The following LAMB2 variants were observed in gnomAD, a reference collection of about 807,000 sequenced individuals.
LAMB2 encodes laminin subunit beta 2, also known as laminin subunit beta-2.
LAMB2 carries 119 observed loss-of-function variants against 202.7 expected under a neutral mutation model. The ratio of observed to expected loss-of-function variants is 0.59; its 90% CI spans 0.51 to 0.68. The LOEUF is 0.68. Among genes scored for constraint, LAMB2 ranks in the 30% least tolerant of loss-of-function variants. The pLI, the probability that LAMB2 is intolerant of heterozygous loss-of-function variation, is 0.00. For synonymous variants in LAMB2, 818 were observed against 902.2 expected (o/e 0.91, Z 1.67); for missense variants, 2,124 against 2,410.6 (o/e 0.88, Z 2.49).
At position 49,123,353 on chromosome 3, in the gene LAMB2, G is replaced by A. The variant is rs1451698452; in HGVS notation, c.4003C>T (p.His1335Tyr). ...GCCTCTGCAGACTGGCTATGGGCAT[G>A]CCGGATGCTGTCATAGGCACCTAAA... ...NFLGAYDSIR[H>Y]AHSQSAEAER... is the part of the protein sequence containing the mutation. Residue 1335 changes from histidine to tyrosine, a missense_variant, in exon 26 of 32, where the codon CAT (histidine) becomes TAT (tyrosine). Coordinates refer to ENST00000305544, the MANE Select transcript of LAMB2 (RefSeq NM_002292.4). 1 of 1,613,892 alleles carries A rather than the reference G, an allele frequency of 6.2e-7. No homozygotes were observed. The highest frequency in any genetic ancestry group is 8.5e-7 in the Non-Finnish European group (1 of 1,180,006).
Position 49,129,573 on chromosome 3 carries a change from C to A in LAMB2, c.1518+31G>T, listed in dbSNP as rs2045459094. On this transcript the variant is annotated intron_variant, in intron 11 of 31. Coordinates refer to ENST00000305544, the MANE Select transcript of LAMB2 (RefSeq NM_002292.4). This position sits in a 1 kb window ranked among gnomAD's most constrained non-coding sequence, Gnocchi z 6.1. ...CCCTGTGCTCTAAGGACAAATCATG[C>A]CCCTAGAACTCCAGCCCCTTCCAGT... 1 of 1,540,684 alleles carries A rather than the reference C, an allele frequency of 6.5e-7. No homozygotes were observed. The highest frequency in any genetic ancestry group is 2.2e-5 in the East Asian group (1 of 44,502).
chr3:49,131,471 C>T lies in LAMB2; in HGVS notation c.649-29G>A. ...GAGAAGCAGGGAGTTCATAGTCACA[C>T]TGGACCTTGCCTCAGGCCCATCATC... On this transcript the variant is annotated intron_variant, in intron 5 of 31. Transcript: ENST00000305544. This position sits in a 1 kb window ranked among gnomAD's most constrained non-coding sequence, Gnocchi z 5.0. 1 of 1,614,022 alleles carries T rather than the reference C, an allele frequency of 6.2e-7. No individual in the cohort carries two copies. The highest frequency in any genetic ancestry group is 8.5e-7 in the Non-Finnish European group (1 of 1,179,924).
At chr3:49,128,841 G>A (rs1320868486) in intron 13 of LAMB2, 22 bp from the exon 14 acceptor site, 1 of 1,609,740 alleles carries the variant, frequency 6.2e-7, no homozygotes, top group African/African-American at 1.3e-5. Context: ...TGCAGCCAGG[G>A]ATGGAGGCTC....
Position 49,124,895 on chromosome 3 carries a change from T to C in LAMB2, c.2915A>G (p.His972Arg), listed in dbSNP as rs2045394142. The change falls in exon 21 of 32, where the codon CAC (histidine) becomes CGC (arginine). Residue 972 changes from histidine to arginine, a missense_variant. Physicochemically the swap from His to Arg is conservative, Grantham distance 29. This residue lies in a region of LAMB2 where 1,702 missense variants were observed against 1,896.3 expected (regional missense o/e 0.90). Transcript: ENST00000305544. ...ACCTGGCCTTGATGGGTCCCCAAAG[T>C]GCCCAGGGGCACAAGCTTCACATCG... is the stretch of plus-strand genomic sequence containing the variant. ...GLRCEACAPG[H>R]FGDPSRPGGR... 1 of 1,613,964 alleles carries C rather than the reference T, an allele frequency of 6.2e-7. No individual in the cohort carries two copies. The highest frequency in any genetic ancestry group is 1.7e-5 in the Admixed American group (1 of 60,010).
Position 49,126,195 on chromosome 3 carries a change from C to T in LAMB2, c.2152-36G>A, listed in dbSNP as rs112006658. On this transcript the variant is annotated intron_variant, in intron 16 of 31. Coordinates refer to ENST00000305544, the MANE Select transcript of LAMB2 (RefSeq NM_002292.4). ...GAGCAAGGAAGATCGCAGTTCAGAC[C>T]TGGGACCACGTAGGCATTGCCAGAG... 1.4e-3 allele frequency: 2,269 copies of T among 1,609,806 alleles called. 20 individuals carry two copies. In the African/African-American group the frequency reaches 0.027, roughly 19 times the overall value.
Position 49,131,991 on chromosome 3 carries a change from T to C in LAMB2, c.459+125A>G. ...AAGGCCTGGAGGCAAATGGAAGGTGTGAAGGGATGAAGGAGCCTCCTGCAT... is the reference window on the plus strand; with the variant it reads ...AAGGCCTGGAGGCAAATGGAAGGTGCGAAGGGATGAAGGAGCCTCCTGCAT... On this transcript the variant is annotated intron_variant, in intron 4 of 31. Transcript: ENST00000305544. This position sits in a 1 kb window ranked among gnomAD's most constrained non-coding sequence, Gnocchi z 5.0. 1.0e-6 allele frequency: 1 copy of C among 979,508 alleles called. No homozygotes were observed. The highest frequency in any genetic ancestry group is 1.6e-6 in the Non-Finnish European group (1 of 612,830). The allele number at this position is 979,508 out of a possible 1,614,324, so 60.7% of individuals were successfully genotyped here.
chr3:49,124,902 G>C lies in LAMB2; in HGVS notation c.2908C>G (p.Pro970Ala). The change falls in exon 21 of 32, where the codon CCT becomes GCT. Residue 970 changes from proline to alanine, a missense_variant. By Grantham distance (27) the Pro-to-Ala change is conservative (BLOSUM62 -1). Transcript: ENST00000305544. ...CTTGATGGGTCCCCAAAGTGCCCAG[G>C]GGCACAAGCTTCACATCGCAGCCCT... ...YTGLRCEACAPGHFGDPSRPG... is the reference protein window; with the variant it reads ...YTGLRCEACAAGHFGDPSRPG... 1 of 1,614,070 alleles carries C rather than the reference G, an allele frequency of 6.2e-7. No individual in the cohort carries two copies. The highest frequency in any genetic ancestry group is 8.5e-7 in the Non-Finnish European group (1 of 1,180,024).
rs751853418 is a variant in LAMB2, at chr3:49,132,637, G to A, written c.103C>T (p.Pro35Ser). Residue 35 changes from proline (P) to serine (S), a missense_variant, in exon 2 of 32, where the codon CCT (proline) becomes TCT (serine). Coordinates refer to ENST00000305544, the MANE Select transcript of LAMB2 (RefSeq NM_002292.4). The surrounding 1 kb of genome is among the most constrained non-coding windows in gnomAD (Gnocchi z 4.6). ...SVLAATLAQAPAPDVPGCSRG... is the reference protein window; with the variant it reads ...SVLAATLAQASAPDVPGCSRG... ...GAACAGCCAGGCACATCCGGGGCAGGGGCCTGTGCCAGTGTGGCAGCCAGC... is the reference window on the plus strand; with the variant it reads ...GAACAGCCAGGCACATCCGGGGCAGAGGCCTGTGCCAGTGTGGCAGCCAGC... The A allele has an allele frequency of 1.5e-5, 25 of 1,613,962 alleles. No homozygotes were observed. Among genetic ancestry groups the A allele is most frequent in the East Asian group, 2.2e-5 (1 of 44,902 alleles).
Position 49,132,263 on chromosome 3 carries a change from G to C in LAMB2, c.385+7C>G, listed in dbSNP as rs766856881. 1.9e-6 allele frequency: 3 copies of C among 1,614,090 alleles called. No individual in the cohort carries two copies. In the Admixed American group the frequency reaches 5.0e-5, roughly 27 times the overall value. On this transcript the variant is annotated splice_region_variant and intron_variant, in intron 3 of 31. Coordinates refer to ENST00000305544, the MANE Select transcript of LAMB2 (RefSeq NM_002292.4). This position sits in a 1 kb window ranked among gnomAD's most constrained non-coding sequence, Gnocchi z 4.6. Reference sequence around the variant, plus strand: ...CCTGCTCACTTTTGCCCCACCCATGGCCTCACCATTCTCTGACTGCCACCA... The same window carrying C: ...CCTGCTCACTTTTGCCCCACCCATGCCCTCACCATTCTCTGACTGCCACCA...
Position 49,123,528 on chromosome 3 carries a change from C to G in LAMB2, c.3901G>C (p.Glu1301Gln), listed in dbSNP as rs1346408534. ...AGATTAAGTGCAAGCCTATCTCGCTCCAGACCACTTAGTGCATGGTTGGCA... is the reference window on the plus strand; with the variant it reads ...AGATTAAGTGCAAGCCTATCTCGCTGCAGACCACTTAGTGCATGGTTGGCA... The part of the protein sequence containing the change: ...FNANHALSGL[E>Q]RDRLALNLTL... Residue 1301 changes from glutamate to glutamine, a missense_variant, in exon 25 of 32, where the codon GAG becomes CAG. Physicochemically the swap from Glu to Gln is conservative, Grantham distance 29. This residue lies in a region of LAMB2 where 1,702 missense variants were observed against 1,896.3 expected (regional missense o/e 0.90). Transcript: ENST00000305544. 8 of 1,614,198 alleles carry G rather than the reference C, an allele frequency of 5.0e-6. No individual in the cohort carries two copies. Among genetic ancestry groups the G allele is most frequent in the Non-Finnish European group, 6.8e-6 (8 of 1,180,040 alleles).
chr3:49,121,379 T>C lies in LAMB2; in HGVS notation c.5261-17A>G, dbSNP rs1157838357. The C allele has an allele frequency of 6.2e-7, 1 of 1,613,960 alleles. No individual in the cohort carries two copies. ...CTTCCAATTCTAGGAAGGGCAGGTGTCAGTTTAGGGGGGGTTTCCCGCAGT... is the reference window on the plus strand; with the variant it reads ...CTTCCAATTCTAGGAAGGGCAGGTGCCAGTTTAGGGGGGGTTTCCCGCAGT... On this transcript the variant is annotated splice_polypyrimidine_tract_variant and intron_variant, in intron 31 of 31. Transcript: ENST00000305544.
Position 49,132,445 on chromosome 3 carries a change from G to A in LAMB2, c.250-40C>T. The A allele has an allele frequency of 6.2e-7, 1 of 1,614,206 alleles. No individual in the cohort carries two copies. Among genetic ancestry groups the A allele is most frequent in the Non-Finnish European group, 8.5e-7 (1 of 1,180,038 alleles). On this transcript the variant is annotated intron_variant, in intron 2 of 31. Coordinates refer to ENST00000305544, the MANE Select transcript of LAMB2 (RefSeq NM_002292.4). The surrounding 1 kb of genome is among the most constrained non-coding windows in gnomAD (Gnocchi z 4.6). ...GATTAGAATCAGTGCCTCAGGCAGT[G>A]CCAGCCCCACCCTGACTCGGCGTCA... is the stretch of plus-strand genomic sequence containing the variant.
chr3:49,125,247 T>G lies in LAMB2; in HGVS notation c.2720+6A>C, dbSNP rs2045399394. On this transcript the variant is annotated splice_donor_region_variant and intron_variant, in intron 19 of 31. Transcript: ENST00000305544. ...ACCAACCCACTCATAGCTGCTCCAG[T>G]CTCACCTTTCACAGTGCTCACCCCC... 1.2e-6 allele frequency: 2 copies of G among 1,613,794 alleles called. No homozygotes were observed. The highest frequency in any genetic ancestry group is 1.3e-5 in the African/African-American group (1 of 75,046).
chr3:49,130,675 G>A lies in LAMB2; in HGVS notation c.1036+65C>T. 1.2e-6 allele frequency: 2 copies of A among 1,608,434 alleles called. No individual in the cohort carries two copies. The highest frequency in any genetic ancestry group is 1.7e-6 in the Non-Finnish European group (2 of 1,178,986). The stretch of plus-strand genomic sequence containing the variant: ...TTAGGGGCTTGACCAACTAGCTCTA[G>A]GTTCTACCCAGGGCACAGCCAGGCT... On this transcript the variant is annotated intron_variant, in intron 8 of 31. Transcript: ENST00000305544. The surrounding 1 kb of genome is among the most constrained non-coding windows in gnomAD (Gnocchi z 5.0).
In LAMB2 at chr3:49,132,357, T is replaced by C. The variant is rs2045490523; in HGVS notation, c.298A>G (p.Arg100Gly). ...ATGCGATGGCTGTGTGGGTTGTCTCTAGCAGAGAAGGGGCGCCGGGAGTCA... is the reference window on the plus strand; with the variant it reads ...ATGCGATGGCTGTGTGGGTTGTCTCCAGCAGAGAAGGGGCGCCGGGAGTCA... ...LCDSRRPFSA[R>G]DNPHSHRIQN... Residue 100 changes from arginine to glycine, a missense_variant, in exon 3 of 32, where the codon AGA (arginine) becomes GGA (glycine). Physicochemically the swap from Arg to Gly is moderately radical, Grantham distance 125. Coordinates refer to ENST00000305544, the MANE Select transcript of LAMB2 (RefSeq NM_002292.4). This position sits in a 1 kb window ranked among gnomAD's most constrained non-coding sequence, Gnocchi z 4.6. 2 of 1,614,134 alleles carry C rather than the reference T, an allele frequency of 1.2e-6. No individual in the cohort carries two copies. Among genetic ancestry groups the C allele is most frequent in the African/African-American group, 1.3e-5 (1 of 74,944 alleles).
chr3:49,128,961 C>T, intron 13 of LAMB2, 59 bp downstream of exon 13: 1 of 1,603,066 alleles, frequency 6.2e-7, no homozygotes, highest in Non-Finnish European at 8.5e-7. Flanking sequence ...AACCCCACCT[C>T]TCCAGTCATA....
chr3:49,122,179 C>G lies in LAMB2; in HGVS notation c.4765G>C (p.Asp1589His). 1.2e-6 allele frequency: 2 copies of G among 1,613,622 alleles called. No individual in the cohort carries two copies. The highest frequency in any genetic ancestry group is 1.7e-6 in the Non-Finnish European group (2 of 1,180,050). The change falls in exon 28 of 32, where the codon GAT becomes CAT. Residue 1589 changes from aspartate (D) to histidine (H), a missense_variant. By Grantham distance (81) the Asp-to-His change is moderately conservative. This residue lies in a region of LAMB2 where 1,702 missense variants were observed against 1,896.3 expected (regional missense o/e 0.90). Transcript: ENST00000305544. ...GGGTCAGACCTTGCCCGCCGTGCAT[C>G]CTGCAGTAGCTGCTCGGCACGACGC... ...DVRRAEQLLQ[D>H]ARRARSWAED...
Position 49,122,845 on chromosome 3 carries a change from C to T in LAMB2, c.4432G>A (p.Ala1478Thr). The T allele has an allele frequency of 6.2e-7, 1 of 1,611,794 alleles. No homozygotes were observed. The highest frequency in any genetic ancestry group is 8.5e-7 in the Non-Finnish European group (1 of 1,179,726). ...TCGCTTGCCTGCCGACGAGTCTCAG[C>T]CACTCTGCTGAGGATGCTACCACCT... The part of the protein sequence containing the change: ...AEGGSILSRV[A>T]ETRRQASEAQ... The change falls in exon 27 of 32, where the codon GCT becomes ACT. Residue 1478 changes from alanine (A) to threonine (T), a missense_variant. Ala to Thr is a moderately conservative substitution (Grantham distance 58). Around this residue, in one of 3 missense-constraint regions of LAMB2, gnomAD observed 1,702 missense variants for 1,896.3 expected, o/e 0.90. Coordinates refer to ENST00000305544, the MANE Select transcript of LAMB2 (RefSeq NM_002292.4).
In LAMB2 at chr3:49,123,998, C is replaced by A; in HGVS notation, c.3527G>T (p.Cys1176Phe). 6.2e-7 allele frequency: 1 copy of A among 1,613,578 alleles called. No individual in the cohort carries two copies. Among genetic ancestry groups the A allele is most frequent in the Non-Finnish European group, 8.5e-7 (1 of 1,180,050 alleles). The change falls in exon 24 of 32, where the codon TGT becomes TTT. Residue 1176 changes from cysteine (C) to phenylalanine (F), a missense_variant. Coordinates refer to ENST00000305544, the MANE Select transcript of LAMB2 (RefSeq NM_002292.4). ...AAAGATTCCTGAGAAGCCACGGGCA[C>A]ACTGGTCACAGCGCACACCAGACAC... Reference protein sequence around the residue: ...PGVSGVRCDQCARGFSGIFPA... With the variant: ...PGVSGVRCDQFARGFSGIFPA...
Sources: allele counts gnomAD v4.1 joint callset, GRCh38; gene constraint gnomAD v4.1.1; regional missense constraint gnomAD v4.1.1; non-coding constraint Gnocchi (gnomAD v3.1); transcripts MANE v1.5; gene names NCBI Gene and HGNC (gene_info 2026-07-23, HGNC 2026-07-21).